Variants in AXDND1 observed in about 807,000 individuals in gnomAD.
AXDND1 encodes the protein axonemal dynein light chain domain containing 1.
AXDND1 carries 110 observed loss-of-function variants against 137.5 expected under a neutral mutation model. That is an observed-to-expected ratio of 0.80 (90% CI 0.69 to 0.94). The LOEUF (loss-of-function observed/expected upper bound fraction) is 0.94, where lower values mean the gene tolerates loss of function less well. Ranked by LOEUF, AXDND1 falls within the 40% of genes least tolerant of loss-of-function variation. The pLI, the probability that AXDND1 is intolerant of heterozygous loss-of-function variation, is 0.00. For synonymous variants in AXDND1, 414 were observed against 399.7 expected (o/e 1.04, Z -0.43); for missense variants, 1,191 against 1,169.8 (o/e 1.02, Z -0.26).
intron 18 of AXDND1, among the ~76,000 whole-genome samples, chr1:179,489,799 GC>G (rs5779026): frequency 0.47 from 67,182 of 143,306 alleles, 16,200 homozygotes; most frequent in East Asian, 0.76. Context: ...AGGCTGGAGT[GC>G]AGTGGAACCG....
At chr1:179,477,373 A>C (rs977033073) in intron 17 of AXDND1, among the ~76,000 whole-genome samples, 1 of 152,184 alleles carries the variant, frequency 6.6e-6, no homozygotes, top group Admixed American at 6.5e-5. Flanking sequence ...CAAAAGAAAG[A>C]GTTTCAATGG....
intron 5 of AXDND1, among the ~76,000 whole-genome samples, chr1:179,379,154 G>A (rs1161253192): frequency 6.6e-6 from 1 of 152,050 alleles, no homozygotes; most frequent in Non-Finnish European, 1.5e-5. Flanking sequence ...GAATATATGG[G>A]ATACATGTAA....
chr1:179,383,434 T>A lies in AXDND1; in HGVS notation c.639-8T>A. 1 of 1,607,970 alleles carries A rather than the reference T, an allele frequency of 6.2e-7. No individual in the cohort carries two copies. Among genetic ancestry groups the A allele is most frequent in the Non-Finnish European group, 8.5e-7 (1 of 1,174,702 alleles). ...TAATTGCATAAGTCTGCCACCTTAATTTTTTAGGAAACCTAATAAAAGAGT... is the reference window on the plus strand; with the variant it reads ...TAATTGCATAAGTCTGCCACCTTAAATTTTTAGGAAACCTAATAAAAGAGT... On this transcript the variant is annotated splice_region_variant and splice_polypyrimidine_tract_variant and intron_variant, in intron 7 of 25. Transcript: ENST00000367618.
At chr1:179,513,417 C>T (rs558989922) in intron 21 of AXDND1, among the ~76,000 whole-genome samples, 5 of 152,258 alleles carry the variant, frequency 3.3e-5, no homozygotes, top group Admixed American at 1.3e-4. Context: ...ATGTAACCCA[C>T]GTGATCATGG....
chr1:179,534,977 G>A lies in AXDND1; in HGVS notation c.3031+15G>A, dbSNP rs772040734. ...TCCAAAGAAAGGTAAGGATTGCTTC[G>A]TATTTTGCTTTATTCAGGTTGTATT... On this transcript the variant is annotated intron_variant, in intron 25 of 25. Coordinates refer to ENST00000367618, the MANE Select transcript of AXDND1 (RefSeq NM_144696.6). 2.6e-5 allele frequency: 41 copies of A among 1,606,110 alleles called. No individual in the cohort carries two copies. Among genetic ancestry groups the A allele is most frequent in the South Asian group, 1.0e-4 (9 of 88,382 alleles).
intron 23 of AXDND1, chr1:179,532,991 G>A (rs1671166263): frequency 2.6e-5 from 4 of 152,108 alleles, no homozygotes; most frequent in Admixed American, 2.6e-4. Context: ...GTGGTATGAT[G>A]GGATGTGTGA....
chr1:179,510,678 AGAGACGT>A (rs1340969000), intron 21 of AXDND1, among the ~76,000 whole-genome samples: 10 of 152,188 alleles, frequency 6.6e-5, no homozygotes, highest in Non-Finnish European at 1.2e-4. Flanking sequence ...GTACAGAATC[AGAGACGT>A]GAGAGCAGAA....
chr1:179,377,130 C>T (rs12730642), intron 4 of AXDND1, among the ~76,000 whole-genome samples: 43,613 of 151,862 alleles, frequency 0.29, 6,461 homozygotes, highest in Non-Finnish European at 0.31. Context: ...TGGGGTTTCG[C>T]CATATTGGTC....
At chr1:179,366,646 C>T (rs1211206393) in intron 2 of AXDND1, 40 bp downstream of exon 2, 9 of 1,517,250 alleles carry the variant, frequency 5.9e-6, no homozygotes, top group Non-Finnish European at 7.3e-6. Context: ...CAGTCATGGC[C>T]GTAAGACAGA....
At chr1:179,472,272 G>A (rs1488944888) in intron 17 of AXDND1, among the ~76,000 whole-genome samples, 1 of 152,036 alleles carries the variant, frequency 6.6e-6, no homozygotes, top group Non-Finnish European at 1.5e-5. Flanking sequence ...TTGTTATTTA[G>A]GAGTATGTTA....
chr1:179,429,759 A>T, intron 13 of AXDND1, 140 bp downstream of exon 13: 1 of 439,892 alleles, frequency 2.3e-6, no homozygotes, highest in South Asian at 7.9e-5. Context: ...TGAAAAATCT[A>T]TGGGAAGGTG....
At chr1:179,507,319 TAA>T (rs1368898557) in intron 20 of AXDND1, among the ~76,000 whole-genome samples, 3 of 152,208 alleles carry the variant, frequency 2.0e-5, no homozygotes, top group Non-Finnish European at 4.4e-5. Flanking sequence ...AGTAAAACTG[TAA>T]AAGACTCCTA....
chr1:179,542,253 G>A (rs955818675), intron 25 of AXDND1, among the ~76,000 whole-genome samples: 10 of 152,122 alleles, frequency 6.6e-5, no homozygotes, highest in Middle Eastern at 3.2e-3. Context: ...TCTCCAACCT[G>A]TGGTCTGTTC....
chr1:179,511,026 T>G (rs1353229368), intron 21 of AXDND1, among the ~76,000 whole-genome samples: 1 of 151,626 alleles, frequency 6.6e-6, no homozygotes, highest in Non-Finnish European at 1.5e-5. Flanking sequence ...GCTACTTCAC[T>G]TACAATAAGA....
chr1:179,415,453 CATATT>C (rs1458485611), intron 12 of AXDND1, among the ~76,000 whole-genome samples: 2 of 152,134 alleles, frequency 1.3e-5, no homozygotes. Flanking sequence ...TAATTATAAA[CATATT>C]AGAAGAAATT....
intron 6 of AXDND1, among the ~76,000 whole-genome samples, chr1:179,381,425 C>A (rs1399228424): frequency 6.7e-6 from 1 of 149,408 alleles, no homozygotes; most frequent in East Asian, 2.0e-4. Flanking sequence ...CTCACTGCAA[C>A]CTCCGCCCCT....
chr1:179,530,476 A>G (rs899501999), intron 23 of AXDND1, among the ~76,000 whole-genome samples: 6 of 152,178 alleles, frequency 3.9e-5, no homozygotes, highest in Admixed American at 2.0e-4. Context: ...CCCTGGAGCC[A>G]GGCAGGAAGC....
At chr1:179,551,025 A>T in intron 25 of AXDND1, 1 of 897,218 alleles carries the variant, frequency 1.1e-6, no homozygotes, top group Non-Finnish European at 1.8e-6. Flanking sequence ...CCGTCTTCTC[A>T]TGGATGGTGC....
At chr1:179,415,418 G>C (rs908052285) in intron 12 of AXDND1, among the ~76,000 whole-genome samples, 1 of 151,958 alleles carries the variant, frequency 6.6e-6, no homozygotes, top group African/African-American at 2.4e-5. Flanking sequence ...TCCCAGAAGG[G>C]AATAATTAAA....
Sources: allele counts gnomAD v4.1 joint callset (sites outside exome capture counted in the v4.1 genomes callset), GRCh38; gene constraint gnomAD v4.1.1; transcripts MANE v1.5; gene names NCBI Gene and HGNC (gene_info 2026-07-23, HGNC 2026-07-21).